MAP3K19: variants seen among roughly 807,000 people sequenced by gnomAD.
MAP3K19 encodes mitogen-activated protein kinase kinase kinase 19, also known as SPS1/STE20-related protein kinase YSK4.
MAP3K19 carries 91 observed loss-of-function variants against 114.4 expected under a neutral mutation model. The ratio of observed to expected loss-of-function variants is 0.80; its 90% CI spans 0.67 to 0.95. The LOEUF (loss-of-function observed/expected upper bound fraction) is 0.95. Ranked by LOEUF, MAP3K19 falls within the 40% of genes least tolerant of loss-of-function variation. The pLI is 0.00. For missense variants in MAP3K19, 1,471 were observed against 1,573.2 expected (o/e 0.94, Z 1.10); for synonymous variants, 518 against 530.5 (o/e 0.98, Z 0.32).
chr2:135,033,687 G>A (rs1343500981), intron 2 of MAP3K19, among the ~76,000 whole-genome samples: 2 of 77,348 alleles, frequency 2.6e-5, no homozygotes, highest in Non-Finnish European at 4.5e-5. Context: ...ACGGGCGGCC[G>A]GCCGGGGGGG....
At chr2:135,023,378 A>C in intron 4 of MAP3K19, 2 of 512,292 alleles carry the variant, frequency 3.9e-6, no homozygotes, top group Non-Finnish European at 4.0e-6. Flanking sequence ...CAATTTTCTC[A>C]CTCTCATCAG....
intron 9 of MAP3K19, among the ~76,000 whole-genome samples, chr2:134,991,093 A>T (rs1685536120): frequency 1.3e-5 from 2 of 151,846 alleles, no homozygotes; most frequent in Non-Finnish European, 2.9e-5. Context: ...CGAGGTCAGG[A>T]GATCGAGACC....
chr2:135,001,244 T>C (rs1054684008), intron 6 of MAP3K19, among the ~76,000 whole-genome samples: 4 of 152,234 alleles, frequency 2.6e-5, no homozygotes, highest in Admixed American at 2.0e-4. Flanking sequence ...CATAAAAATG[T>C]AGCTAGCTTT....
rs1313756815 is a variant in MAP3K19 at position 135,047,414 on chromosome 2, A to G, written c.-653T>C. ...TTGTCTTTAATTAAGCTGGTCCTGC[A>G]TGCACAAACCCTTTAGTTAGCTGCA... On this transcript the variant is annotated 5_prime_UTR_variant, in exon 1 of 13. The change abolishes an upstream ATG in the 5' untranslated region. Transcript: ENST00000392915. 1.3e-5 allele frequency: 2 copies of G among 152,182 alleles called. No individual in the cohort carries two copies. The highest frequency in any genetic ancestry group is 6.5e-5 in the Admixed American group (1 of 15,274). The allele number at this position is 152,182 out of a possible 1,614,324, so 9.4% of individuals were successfully genotyped here. A position where few individuals can be genotyped will look rare whatever the true frequency, so the allele number is the denominator to read the frequency against.
chr2:135,004,015 A>C (rs2105308760), intron 6 of MAP3K19, among the ~76,000 whole-genome samples: 1 of 152,376 alleles, frequency 6.6e-6, no homozygotes, highest in South Asian at 2.1e-4. Flanking sequence ...TGCTTCTTCC[A>C]AATGTGTAAC....
At chr2:135,033,819 CG>C (rs70973468) in intron 2 of MAP3K19, among the ~76,000 whole-genome samples, 16,500 of 16,738 alleles carry the variant, frequency 0.99, 8,145 homozygotes, top group Middle Eastern at 1. Flanking sequence ...GCTGGCCGGG[CG>C]GGGGGGCTGA....
chr2:134,970,363 T>C (rs560470462), intron 12 of MAP3K19, among the ~76,000 whole-genome samples: 76 of 152,280 alleles, frequency 5.0e-4, no homozygotes, highest in Non-Finnish European at 7.6e-4. Flanking sequence ...ATTTTATTTT[T>C]GTAGCCATTT....
At chr2:135,045,297 T>C (rs1688721465) in intron 1 of MAP3K19, among the ~76,000 whole-genome samples, 1 of 152,190 alleles carries the variant, frequency 6.6e-6, no homozygotes, top group Non-Finnish European at 1.5e-5. Context: ...TAATAAGCAG[T>C]GTACTTGGAA....
chr2:134,987,126 G>T lies in MAP3K19; in HGVS notation c.1746C>A (p.Pro582=). The T allele has an allele frequency of 6.2e-7, 1 of 1,613,916 alleles. No individual in the cohort carries two copies. The highest frequency in any genetic ancestry group is 8.5e-7 in the Non-Finnish European group (1 of 1,180,022). The change falls in exon 10 of 13, where the codon CCC becomes CCA. Residue 582 remains proline (P), a synonymous_variant. Transcript: ENST00000392915. ...GAAACCTGGGCAATTGCCAAGGCCT[G>T]GGGTCCACAAGTCCCAAAGCCGGGA... ...QIFPALGLVD[P]RPWQLPRFQK...
At chr2:134,992,432 AACC>A (rs549999783) in intron 8 of MAP3K19, among the ~76,000 whole-genome samples, 2 of 152,204 alleles carry the variant, frequency 1.3e-5, no homozygotes, top group South Asian at 4.2e-4. Context: ...AAACCCCATG[AACC>A]ACCACCACCA....
At chr2:135,040,048 A>T (rs1688615364) in intron 2 of MAP3K19, among the ~76,000 whole-genome samples, 1 of 152,084 alleles carries the variant, frequency 6.6e-6, no homozygotes, top group African/African-American at 2.4e-5. Context: ...GTACTGATGG[A>T]GTTGAGGGTC....
rs1339548938 is a variant in MAP3K19 at position 135,034,412 on chromosome 2, C to G, written c.-283-3912G>C. Reference sequence around the variant, plus strand: ...CTCACTTCCCAGAAGGGGTGGCGGCCGGGCAGAGGCTGCAATCTCGGCACT... The same window carrying G: ...CTCACTTCCCAGAAGGGGTGGCGGCGGGGCAGAGGCTGCAATCTCGGCACT... On this transcript the variant is annotated intron_variant, in intron 2 of 12. Transcript: ENST00000392915. Among the ~76,000 whole-genome samples the G allele has an allele frequency of 6.4e-5, 8 of 124,750 alleles. 1 individual carries two copies. Among genetic ancestry groups the G allele is most frequent in the Admixed American group, 5.0e-4 (6 of 12,054 alleles). 81.8% of individuals were successfully genotyped at this position (124,750 alleles called of 152,430 possible).
At position 134,999,710 on chromosome 2, in the gene MAP3K19, C is replaced by T. The variant is rs1249213835; in HGVS notation, c.314+227G>A. 6.6e-6 allele frequency among the ~76,000 whole-genome samples: 1 copy of T among 152,126 alleles called. No individual in the cohort carries two copies. The highest frequency in any genetic ancestry group is 1.5e-5 in the Non-Finnish European group (1 of 68,024). ...CCACACTCATTTGTTTACATATTGT[C>T]TATGGCTGCATTCAAATGACAGTTG... On this transcript the variant is annotated intron_variant, in intron 7 of 12. Coordinates refer to ENST00000392915, the MANE Select transcript of MAP3K19 (RefSeq NM_025052.5). The surrounding 1 kb of genome is among the most constrained non-coding windows in gnomAD (Gnocchi z 4.1).
At chr2:134,971,810 C>G (rs1447102265) in intron 12 of MAP3K19, among the ~76,000 whole-genome samples, 1 of 148,112 alleles carries the variant, frequency 6.8e-6, no homozygotes, top group Non-Finnish European at 1.5e-5. Context: ...TCTTTTTTTT[C>G]TTGGTTAGTC....
intron 5 of MAP3K19, among the ~76,000 whole-genome samples, chr2:135,019,045 C>G (rs1201857504): frequency 6.6e-6 from 1 of 151,628 alleles, no homozygotes; most frequent in Non-Finnish European, 1.5e-5. Flanking sequence ...TGCCACTGCA[C>G]TCCAGCCTGG....
intron 10 of MAP3K19, among the ~76,000 whole-genome samples, chr2:134,984,980 A>G (rs1684991973): frequency 6.6e-6 from 1 of 152,172 alleles, no homozygotes; most frequent in Non-Finnish European, 1.5e-5. Context: ...ATCCTGATAT[A>G]GTGTGGATAT....
At chr2:134,969,503 T>C (rs551938543) in intron 12 of MAP3K19, among the ~76,000 whole-genome samples, 3 of 152,304 alleles carry the variant, frequency 2.0e-5, no homozygotes, top group African/African-American at 7.2e-5. Flanking sequence ...TGATTAGTGA[T>C]GTTGAGCATT....
At chr2:135,030,061 CA>C (rs1205366811) in intron 3 of MAP3K19, among the ~76,000 whole-genome samples, 3 of 152,138 alleles carry the variant, frequency 2.0e-5, no homozygotes, top group Admixed American at 6.6e-5. Context: ...AATCATTTCC[CA>C]GGGGTGTTGT....
In MAP3K19 at chr2:134,988,077, C is replaced by T. The variant is rs368359132; in HGVS notation, c.795G>A (p.Pro265=). 2.4e-5 allele frequency: 38 copies of T among 1,613,708 alleles called. No homozygotes were observed. In the Middle Eastern group the frequency reaches 4.9e-4, roughly 21 times the overall value. Residue 265 remains proline (P), a synonymous_variant, in exon 10 of 13, where the codon CCG becomes CCA. Transcript: ENST00000392915. ...CCATCAACGACTTAACTAGGGCTCC[C>T]GGAGGCTCGTTTGATGGGCTGAGCT... The part of the protein sequence containing the change: ...SDELSPSNEP[P]GALVKSLMDP...
Sources: allele counts gnomAD v4.1 joint callset (sites outside exome capture counted in the v4.1 genomes callset), GRCh38; gene constraint gnomAD v4.1.1; non-coding constraint Gnocchi (gnomAD v3.1); transcripts MANE v1.5; gene names NCBI Gene and HGNC (gene_info 2026-07-23, HGNC 2026-07-21).